DUSP8: variants seen among roughly 807,000 people sequenced by gnomAD.
The protein encoded by DUSP8 is dual specificity phosphatase 8.
A neutral mutation model predicts 38.7 loss-of-function variants in DUSP8; 15 were observed. The observed-to-expected ratio is 0.39, with a 90% CI of 0.26 to 0.60. DUSP8 has a LOEUF of 0.60. Ranked by LOEUF, DUSP8 falls within the 20% of genes least tolerant of loss-of-function variation. The pLI, the probability that DUSP8 is intolerant of heterozygous loss-of-function variation, is 0.56. For synonymous variants in DUSP8, 458 were observed against 433.9 expected (o/e 1.06, Z -0.69); for missense variants, 768 against 915.0 (o/e 0.84, Z 2.07).
intron 3 of DUSP8, among the ~76,000 whole-genome samples, chr11:1,561,531 C>G (rs554662097): frequency 1.1e-4 from 17 of 152,354 alleles, no homozygotes; most frequent in African/African-American, 4.1e-4. Context: ...TCTCTCATCC[C>G]TTGCCGCTTG....
Position 1,558,105 on chromosome 11 carries a change from G to C in DUSP8, c.697+7C>G. ...AGGTCCCTGCCCTCCGCCCACCGCA[G>C]ACTCACCGATGAACTCGATGGACTT... is the stretch of plus-strand genomic sequence containing the variant. On this transcript the variant is annotated splice_region_variant and intron_variant, in intron 5 of 6. Coordinates refer to ENST00000397374, the MANE Select transcript of DUSP8 (RefSeq NM_004420.3). The surrounding 1 kb of genome is among the most constrained non-coding windows in gnomAD (Gnocchi z 6.3). 1 of 1,611,972 alleles carries C rather than the reference G, an allele frequency of 6.2e-7. No homozygotes were observed. Among genetic ancestry groups the C allele is most frequent in the East Asian group, 2.2e-5 (1 of 44,880 alleles).
chr11:1,561,587 C>T (rs1299201060), intron 3 of DUSP8, among the ~76,000 whole-genome samples: 3 of 152,212 alleles, frequency 2.0e-5, no homozygotes, highest in Non-Finnish European at 2.9e-5. Context: ...GGAAGAGGAG[C>T]GGCAGGGGGA....
chr11:1,572,438 GGCGGGGT>G (rs1457416244), upstream of DUSP8, among the ~76,000 whole-genome samples: 1 of 149,156 alleles, frequency 6.7e-6, no homozygotes, highest in Admixed American at 6.6e-5. The surrounding 1 kb of genome is among the most constrained non-coding windows in gnomAD (Gnocchi z 4.7). Context: ...GCGGGGGGGG[GGCGGGGT>G]GCAGGGTGCG....
rs1395927061 is a variant in DUSP8, at chr11:1,556,831, C to A, written c.1565G>T (p.Gly522Val). ...LDSPGTPSPD[G>V]PWCFSPEGAQ... ...GCCCTCGGGGCTGAAGCACCAGGGCCCGTCGGGCGACGGCGTGCCTGGGGA... is the reference window on the plus strand; with the variant it reads ...GCCCTCGGGGCTGAAGCACCAGGGCACGTCGGGCGACGGCGTGCCTGGGGA... The change falls in exon 7 of 7, where the codon GGG (glycine) becomes GTG (valine). Residue 522 changes from glycine to valine, a missense_variant. This residue lies in a region of DUSP8 where 474 missense variants were observed against 430.8 expected (regional missense o/e 1.10). Transcript: ENST00000397374. This position sits in a 1 kb window ranked among gnomAD's most constrained non-coding sequence, Gnocchi z 5.2. 5.2e-6 allele frequency: 6 copies of A among 1,155,528 alleles called. No homozygotes were observed. In the African/African-American group the frequency reaches 8.2e-5, roughly 16 times the overall value. 71.6% of individuals were successfully genotyped at this position (1,155,528 alleles called of 1,614,324 possible).
At position 1,557,706 on chromosome 11, in the gene DUSP8, A is replaced by G; in HGVS notation, c.821+88T>C. 6.3e-7 allele frequency: 1 copy of G among 1,592,548 alleles called. No homozygotes were observed. The highest frequency in any genetic ancestry group is 1.1e-5 in the South Asian group (1 of 87,290). On this transcript the variant is annotated intron_variant, in intron 6 of 6. Transcript: ENST00000397374. The surrounding 1 kb of genome is among the most constrained non-coding windows in gnomAD (Gnocchi z 9.9). ...CCTCCTCCCTTGCCACGGGTCCTGG[A>G]CGGTGGGGTCATTCTGGTGCAAGTG... is the stretch of plus-strand genomic sequence containing the variant.
chr11:1,557,459 G>T lies in DUSP8; in HGVS notation c.937C>A (p.Pro313Thr). The change falls in exon 7 of 7, where the codon CCC becomes ACC. Residue 313 changes from proline (P) to threonine (T), a missense_variant. Pro to Thr is a conservative substitution (Grantham distance 38). Around this residue, in one of 3 missense-constraint regions of DUSP8, gnomAD observed 474 missense variants for 430.8 expected, o/e 1.10. Transcript: ENST00000397374. This position sits in a 1 kb window ranked among gnomAD's most constrained non-coding sequence, Gnocchi z 9.9. ...GGCGGAGGCTCCGGCGTCCCTGAGG[G>T]GGTGCCCGGGTCGCCCTGCAGGGCG... is the stretch of plus-strand genomic sequence containing the variant. Reference protein sequence around the residue: ...LAALQGDPGTPSGTPEPPPSP... With the variant: ...LAALQGDPGTTSGTPEPPPSP... 1 of 1,563,370 alleles carries T rather than the reference G, an allele frequency of 6.4e-7. No homozygotes were observed. The highest frequency in any genetic ancestry group is 8.6e-7 in the Non-Finnish European group (1 of 1,166,146).
At position 1,565,861 on chromosome 11, in the gene DUSP8, G is replaced by A. The variant is rs768913691; in HGVS notation, c.-35C>T. ...ATGGGTGCTGGGGAGGGTGACCCCT[G>A]AAGTGAGGAGGGGCTGCTCCGACGG... is the stretch of plus-strand genomic sequence containing the variant. On this transcript the variant is annotated 5_prime_UTR_variant, in exon 2 of 7. Transcript: ENST00000397374. 7.9e-5 allele frequency: 123 copies of A among 1,562,850 alleles called. No homozygotes were observed. Among genetic ancestry groups the A allele is most frequent in the Non-Finnish European group, 1.0e-4 (117 of 1,138,282 alleles).
Position 1,558,070 on chromosome 11 carries a change from T to G in DUSP8, c.697+42A>C. ...CTGTGGCCACACACAGCTCTAGCCT[T>G]CCTCTAGCCAGGTCCCTGCCCTCCG... On this transcript the variant is annotated intron_variant, in intron 5 of 6. Transcript: ENST00000397374. This position sits in a 1 kb window ranked among gnomAD's most constrained non-coding sequence, Gnocchi z 6.3. The G allele has an allele frequency of 6.2e-7, 1 of 1,611,604 alleles. No individual in the cohort carries two copies. Among genetic ancestry groups the G allele is most frequent in the Non-Finnish European group, 8.5e-7 (1 of 1,179,706 alleles).
In DUSP8 at chr11:1,554,976, T is replaced by C. The variant is rs947222616; in HGVS notation, c.*1542A>G. On this transcript the variant is annotated 3_prime_UTR_variant, in exon 7 of 7. Coordinates refer to ENST00000397374, the MANE Select transcript of DUSP8 (RefSeq NM_004420.3). Reference sequence around the variant, plus strand: ...AGCTGTGGGTGAAAAGAAGAACAAATAGAAGAAACAGCAGAGAGGGCGGCT... The same window carrying C: ...AGCTGTGGGTGAAAAGAAGAACAAACAGAAGAAACAGCAGAGAGGGCGGCT... 6.1e-6 allele frequency: 6 copies of C among 985,898 alleles called. No homozygotes were observed. The highest frequency in any genetic ancestry group is 4.7e-5 in the South Asian group (1 of 21,308). 61.1% of individuals were successfully genotyped at this position (985,898 alleles called of 1,614,324 possible). A position where few individuals can be genotyped will look rare whatever the true frequency, so the allele number is the denominator to read the frequency against.
chr11:1,563,811 C>T (rs753251957), intron 3 of DUSP8, 40 bp downstream of exon 3: 18 of 1,444,062 alleles, frequency 1.2e-5, no homozygotes, highest in East Asian at 7.8e-5. Flanking sequence ...CCACTGCTGG[C>T]GGAGCAAGTG....
In DUSP8 at chr11:1,563,904, G is replaced by C; in HGVS notation, c.317C>G (p.Ser106Cys). 6.4e-7 allele frequency: 1 copy of C among 1,552,352 alleles called. No homozygotes were observed. Among genetic ancestry groups the C allele is most frequent in the Non-Finnish European group, 8.7e-7 (1 of 1,147,904 alleles). The change falls in exon 3 of 7, where the codon TCC (serine) becomes TGC (cysteine). Residue 106 changes from serine to cysteine, a missense_variant. Transcript: ENST00000397374. ...ASVLAADSFL[S>C]ILLSKLDGCF... ...GCCGTCCAGCTTGCTCAGCAGGATG[G>C]AGAGGAAGCTGTCTGCGGCCAGCAC... is the stretch of plus-strand genomic sequence containing the variant.
In DUSP8 at chr11:1,557,611, G is replaced by A. The variant is rs779272914; in HGVS notation, c.822-37C>T. On this transcript the variant is annotated intron_variant, in intron 6 of 6. Coordinates refer to ENST00000397374, the MANE Select transcript of DUSP8 (RefSeq NM_004420.3). The surrounding 1 kb of genome is among the most constrained non-coding windows in gnomAD (Gnocchi z 9.9). ...GAGGCTCAGTCCCAGGCGCCCGCCGGGGCCAGGCTGCCCACCTGACGCACC... is the reference window on the plus strand; with the variant it reads ...GAGGCTCAGTCCCAGGCGCCCGCCGAGGCCAGGCTGCCCACCTGACGCACC... 1 of 1,495,568 alleles carries A rather than the reference G, an allele frequency of 6.7e-7. No individual in the cohort carries two copies. Among genetic ancestry groups the A allele is most frequent in the African/African-American group, 1.4e-5 (1 of 71,994 alleles). The allele number at this position is 1,495,568 out of a possible 1,614,324, so 92.6% of individuals were successfully genotyped here. A position where few individuals can be genotyped will look rare whatever the true frequency, so the allele number is the denominator to read the frequency against.
intron 3 of DUSP8, 81 bp from the exon 4 acceptor site, chr11:1,559,136 C>T (rs1685606080): frequency 5.0e-6 from 7 of 1,386,600 alleles, no homozygotes; most frequent in South Asian, 1.3e-5. Context: ...CCGCCTAGGG[C>T]ACCCCATCTA....
intron 1 of DUSP8, 31 bp from the exon 2 acceptor site, chr11:1,565,965 T>C: frequency 1.4e-6 from 1 of 724,512 alleles, no homozygotes; most frequent in Non-Finnish European, 2.3e-6. Context: ...TCAGCAGTGC[T>C]GCGGGCCCCT....
At chr11:1,562,452 G>T (rs1306082100) in intron 3 of DUSP8, among the ~76,000 whole-genome samples, 1 of 152,160 alleles carries the variant, frequency 6.6e-6, no homozygotes, top group Non-Finnish European at 1.5e-5. Flanking sequence ...GGACCTAGGG[G>T]AACAGGGTTG....
In DUSP8 at chr11:1,572,229, G is replaced by T. The variant is rs1168252769; in HGVS notation, c.-437C>A. 1.4e-5 allele frequency among the ~76,000 whole-genome samples: 2 copies of T among 146,552 alleles called. No individual in the cohort carries two copies. Among genetic ancestry groups the T allele is most frequent in the African/African-American group, 2.5e-5 (1 of 40,584 alleles). ...TCGGGCGTCCGGCGTCCGGCGGGGC[G>T]TCGTGGGGGGAGCCGGCTCGGCCGC... is the stretch of plus-strand genomic sequence containing the variant. On this transcript the variant is annotated 5_prime_UTR_variant, in exon 1 of 7. Coordinates refer to ENST00000397374, the MANE Select transcript of DUSP8 (RefSeq NM_004420.3). This position sits in a 1 kb window ranked among gnomAD's most constrained non-coding sequence, Gnocchi z 4.7.
rs1034110228 is a variant in DUSP8, at chr11:1,559,240, G to A, written c.371-185C>T. Reference sequence around the variant, plus strand: ...ACCTGCTCTGCCCGCGGTGGGGGGAGGGGGTACTGCCACACATTTACAGCC... The same window carrying A: ...ACCTGCTCTGCCCGCGGTGGGGGGAAGGGGTACTGCCACACATTTACAGCC... On this transcript the variant is annotated intron_variant, in intron 3 of 6. Coordinates refer to ENST00000397374, the MANE Select transcript of DUSP8 (RefSeq NM_004420.3). 1.3e-5 allele frequency: 7 copies of A among 556,802 alleles called. No individual in the cohort carries two copies. The Admixed American group carries it at 1.5e-4, about 12-fold the overall frequency. 34.5% of individuals were successfully genotyped at this position (556,802 alleles called of 1,614,324 possible).
chr11:1,555,840 T>A lies in DUSP8; in HGVS notation c.*678A>T, dbSNP rs542508652. On this transcript the variant is annotated 3_prime_UTR_variant, in exon 7 of 7. Coordinates refer to ENST00000397374, the MANE Select transcript of DUSP8 (RefSeq NM_004420.3). Reference sequence around the variant, plus strand: ...CCCTGCCCGAAGCCCCTACACACACTGTTCTATTTCTCAGCCCCTCTGAAC... The same window carrying A: ...CCCTGCCCGAAGCCCCTACACACACAGTTCTATTTCTCAGCCCCTCTGAAC... 6.6e-6 allele frequency: 1 copy of A among 152,382 alleles called. No homozygotes were observed. The highest frequency in any genetic ancestry group is 2.4e-5 in the African/African-American group (1 of 41,450). 9.4% of individuals were successfully genotyped at this position (152,382 alleles called of 1,614,324 possible).
rs772439982 is a variant in DUSP8, at chr11:1,557,138, G to C, written c.1258C>G (p.Pro420Ala). The part of the protein sequence containing the change: ...GPGPPDPGEA[P>A]KLCKLDSPSG... ...GGGCTGTCCAGCTTGCAGAGCTTCGGGGCCTCGCCGGGGTCGGGGGGCCCG... is the reference window on the plus strand; with the variant it reads ...GGGCTGTCCAGCTTGCAGAGCTTCGCGGCCTCGCCGGGGTCGGGGGGCCCG... The change falls in exon 7 of 7, where the codon CCG becomes GCG. Residue 420 changes from proline (P) to alanine (A), a missense_variant. By Grantham distance (27) the Pro-to-Ala change is conservative. This residue lies in a region of DUSP8 where 474 missense variants were observed against 430.8 expected (regional missense o/e 1.10). Transcript: ENST00000397374. This position sits in a 1 kb window ranked among gnomAD's most constrained non-coding sequence, Gnocchi z 9.9. The C allele has an allele frequency of 6.3e-6, 9 of 1,423,056 alleles. No homozygotes were observed. The Admixed American group carries it at 9.2e-5, about 15-fold the overall frequency. 88.2% of individuals were successfully genotyped at this position (1,423,056 alleles called of 1,614,324 possible).
Sources: allele counts gnomAD v4.1 joint callset (sites outside exome capture counted in the v4.1 genomes callset), GRCh38; gene constraint gnomAD v4.1.1; regional missense constraint gnomAD v4.1.1; non-coding constraint Gnocchi (gnomAD v3.1); transcripts MANE v1.5; gene names NCBI Gene and HGNC (gene_info 2026-07-23, HGNC 2026-07-21).